YES1: variants seen among roughly 807,000 people sequenced by gnomAD.
YES1 encodes YES proto-oncogene 1, Src family tyrosine kinase, also known as tyrosine-protein kinase Yes.
Under a neutral mutation model 70.4 loss-of-function variants are expected in YES1, and 39 were observed. The observed-to-expected ratio is 0.55, with a 90% CI of 0.43 to 0.72. The LOEUF (loss-of-function observed/expected upper bound fraction) is 0.72, where lower values mean the gene tolerates loss of function less well. YES1 is among the 30% of genes least tolerant of loss of function. The pLI, the probability that YES1 is intolerant of heterozygous loss-of-function variation, is 0.00. For synonymous variants in YES1, 198 were observed against 218.6 expected, an observed-to-expected ratio of 0.91 and a Z score of 0.83; for missense variants, 495 against 644.8, an observed-to-expected ratio of 0.77 and a Z score of 2.52.
intron 1 of YES1, among the ~76,000 whole-genome samples, chr18:782,258 G>C (rs1206844011): frequency 6.6e-6 from 1 of 152,170 alleles, no homozygotes; most frequent in Non-Finnish European, 1.5e-5. Context: ...AAACATGGCT[G>C]GCAATAGTCC....
At chr18:759,392 A>T (rs920012486) in intron 1 of YES1, among the ~76,000 whole-genome samples, 1 of 152,182 alleles carries the variant, frequency 6.6e-6, no homozygotes, top group African/African-American at 2.4e-5. Context: ...GCTTGAACCC[A>T]GGAGGCGGAG....
At position 726,797 on chromosome 18, in the gene YES1, A is replaced by C. The variant is rs981921381; in HGVS notation, c.1424-2165T>G. Among the ~76,000 whole-genome samples, 352 of 146,438 alleles carry C rather than the reference A, an allele frequency of 2.4e-3. 1 individual carries two copies. The highest frequency in any genetic ancestry group is 4.2e-3 in the Non-Finnish European group (283 of 67,316). On this transcript the variant is annotated intron_variant, in intron 11 of 11. Coordinates refer to ENST00000314574, the MANE Select transcript of YES1 (RefSeq NM_005433.4). ...CTCTTGTCTCAAAAAAAAAAAAAAA[A>C]AAAAAAAAAAAAAAAAAATTCACAT...
At chr18:773,055 C>A (rs1905226822) in intron 1 of YES1, among the ~76,000 whole-genome samples, 1 of 152,214 alleles carries the variant, frequency 6.6e-6, no homozygotes, top group Admixed American at 6.5e-5. Flanking sequence ...GCCTCTTTAG[C>A]ACAATCTCTT....
At chr18:799,949 T>C (rs747669580) in intron 1 of YES1, among the ~76,000 whole-genome samples, 17 of 152,192 alleles carry the variant, frequency 1.1e-4, no homozygotes, top group Middle Eastern at 6.8e-3. Context: ...CATATATTTA[T>C]GGAATATGAT....
intron 1 of YES1, among the ~76,000 whole-genome samples, chr18:794,286 T>C (rs1221711132): frequency 6.6e-6 from 1 of 152,072 alleles, no homozygotes; most frequent in African/African-American, 2.4e-5. Flanking sequence ...AATCAAATCA[T>C]GAGGAAACAT....
At chr18:801,030 CA>C (rs1906792496) in intron 1 of YES1, among the ~76,000 whole-genome samples, 1 of 152,086 alleles carries the variant, frequency 6.6e-6, no homozygotes, top group Non-Finnish European at 1.5e-5. Flanking sequence ...CCTGTAATCC[CA>C]GCTACTCAGG....
At chr18:764,357 G>C (rs751642626) in intron 1 of YES1, among the ~76,000 whole-genome samples, 29 of 152,044 alleles carry the variant, frequency 1.9e-4, no homozygotes, top group Non-Finnish European at 3.5e-4. Flanking sequence ...CAAGTAGCTG[G>C]GATTATAGGC....
intron 11 of YES1, among the ~76,000 whole-genome samples, chr18:730,883 T>C (rs987941719): frequency 1.3e-5 from 2 of 152,276 alleles, no homozygotes; most frequent in African/African-American, 4.8e-5. Flanking sequence ...TCTGCAAGTG[T>C]GGTGTAGGCA....
intron 1 of YES1, among the ~76,000 whole-genome samples, chr18:772,468 T>C (rs1025517833): frequency 4.0e-5 from 6 of 151,864 alleles, no homozygotes; most frequent in South Asian, 2.1e-4. Context: ...GTCTCACTCT[T>C]GTCACCCAGG....
intron 1 of YES1, among the ~76,000 whole-genome samples, chr18:806,733 C>T (rs1209457999): frequency 6.6e-6 from 1 of 152,180 alleles, no homozygotes; most frequent in Non-Finnish European, 1.5e-5. Flanking sequence ...TGTGGGAGCA[C>T]AAAGAGGTCA....
rs372200608 is a variant in YES1, at chr18:812,146, C to G, written c.-41G>C. 1.3e-5 allele frequency: 2 copies of G among 152,774 alleles called. No homozygotes were observed. The highest frequency in any genetic ancestry group is 1.3e-4 in the Admixed American group (2 of 15,264). The allele number at this position is 152,774 out of a possible 1,614,324, so 9.5% of individuals were successfully genotyped here. ...CCGGCCGCGCTCTCATGAGTCGCTG[C>G]TACCGCAGCTCGAGGTGGCGGAGGG... On this transcript the variant is annotated 5_prime_UTR_variant, in exon 1 of 12. Transcript: ENST00000314574.
chr18:758,004 T>C (rs1904383139), intron 1 of YES1, among the ~76,000 whole-genome samples: 2 of 152,164 alleles, frequency 1.3e-5, no homozygotes, highest in Non-Finnish European at 1.5e-5. Context: ...CAAATACTGT[T>C]GTATTCTGTC....
chr18:776,198 CTT>C (rs35743931), intron 1 of YES1, among the ~76,000 whole-genome samples: 4 of 146,320 alleles, frequency 2.7e-5, no homozygotes, highest in Non-Finnish European at 1.5e-5. Flanking sequence ...TATACTCGAT[CTT>C]TTTTTTTTTT....
At chr18:791,193 T>C (rs1906229226) in intron 1 of YES1, among the ~76,000 whole-genome samples, 2 of 146,528 alleles carry the variant, frequency 1.4e-5, no homozygotes, top group African/African-American at 5.1e-5. Context: ...GAGGTTGCAG[T>C]GAGCCAAGAT....
At position 722,926 on chromosome 18, in the gene YES1, A is replaced by G. The variant is rs2079973282; in HGVS notation, c.*1498T>C. The G allele has an allele frequency of 2.0e-5, 3 of 152,282 alleles. No homozygotes were observed. Among genetic ancestry groups the G allele is most frequent in the African/African-American group, 7.2e-5 (3 of 41,440 alleles). 9.4% of individuals were successfully genotyped at this position (152,282 alleles called of 1,614,324 possible). A position where few individuals can be genotyped will look rare whatever the true frequency, so the allele number is the denominator to read the frequency against. The stretch of plus-strand genomic sequence containing the variant: ...GCTAACACGGTGAAACTGCGTCTCT[A>G]CTAAAAATACAAAAAACTAGCCAGG... On this transcript the variant is annotated 3_prime_UTR_variant, in exon 12 of 12. Transcript: ENST00000314574.
chr18:734,285 T>C (rs566734408), intron 10 of YES1, among the ~76,000 whole-genome samples: 12 of 148,910 alleles, frequency 8.1e-5, no homozygotes, highest in Non-Finnish European at 1.5e-4. Flanking sequence ...CCAGGCGCGG[T>C]GGCTCACGCC....
intron 1 of YES1, among the ~76,000 whole-genome samples, chr18:798,884 G>A (rs372247497): frequency 2.0e-5 from 3 of 150,890 alleles, no homozygotes; most frequent in Admixed American, 1.3e-4. Flanking sequence ...ATATAAACCC[G>A]AGATGACATG....
At chr18:785,892 T>G (rs1047208820) in intron 1 of YES1, among the ~76,000 whole-genome samples, 2 of 152,090 alleles carry the variant, frequency 1.3e-5, no homozygotes, top group African/African-American at 4.8e-5. Context: ...GAGCCAGGAT[T>G]GTGCCACTGC....
intron 11 of YES1, among the ~76,000 whole-genome samples, chr18:727,069 T>C (rs1451086923): frequency 2.0e-5 from 3 of 152,168 alleles, no homozygotes; most frequent in Non-Finnish European, 1.5e-5. Context: ...TCTTTAAAGA[T>C]GGGTAATCTA....
Sources: allele counts gnomAD v4.1 joint callset (sites outside exome capture counted in the v4.1 genomes callset), GRCh38; gene constraint gnomAD v4.1.1; transcripts MANE v1.5; gene names NCBI Gene and HGNC (gene_info 2026-07-23, HGNC 2026-07-21).